KCNN2: variants seen among roughly 807,000 people sequenced by gnomAD.
The protein encoded by KCNN2 is potassium calcium-activated channel subfamily N member 2.
Under a neutral mutation model 55.5 loss-of-function variants are expected in KCNN2, and 24 were observed. The observed-to-expected ratio is 0.43, with a 90% CI of 0.31 to 0.61. The LOEUF (loss-of-function observed/expected upper bound fraction) is 0.61, where lower values mean the gene tolerates loss of function less well. KCNN2 is among the 20% of genes least tolerant of loss of function. The pLI is 0.08. For synonymous variants in KCNN2, 431 were observed against 336.1 expected, an observed-to-expected ratio of 1.28 and a Z score of -3.09; for missense variants, 754 against 853.6, an observed-to-expected ratio of 0.88 and a Z score of 1.45.
At position 114,404,550 on chromosome 5, in the gene KCNN2, ATT is replaced by A; in HGVS notation, c.1332_1333del (p.Asn444LysfsTer21). 6.2e-7 allele frequency: 1 copy of A among 1,613,802 alleles called. No individual in the cohort carries two copies. Among genetic ancestry groups the A allele is most frequent in the Non-Finnish European group, 8.5e-7 (1 of 1,179,972 alleles). On this transcript the variant is annotated frameshift_variant, in exon 3 of 8. Coordinates refer to ENST00000673685, the MANE Select transcript of KCNN2 (RefSeq NM_021614.4). LOFTEE classifies it high-confidence loss of function. ...TGTGCTATTCATCCCATACCTGGGAATTATACATTCACATGGACGGCCCGGCT... is the reference window on the plus strand; with the variant it reads ...TGTGCTATTCATCCCATACCTGGGAAATACATTCACATGGACGGCCCGGCT...
chr5:114,125,120 A>T (rs558140045), intron 1 of KCNN2, among the ~76,000 whole-genome samples: 1 of 152,316 alleles, frequency 6.6e-6, no homozygotes, highest in Non-Finnish European at 1.5e-5. Context: ...TAATTTGTAT[A>T]TATTGGAGAA....
At chr5:114,176,321 TAA>T (rs2112548265) in intron 1 of KCNN2, among the ~76,000 whole-genome samples, 1 of 152,316 alleles carries the variant, frequency 6.6e-6, no homozygotes, top group South Asian at 2.1e-4. Context: ...CTTATAATCA[TAA>T]GTTTTTTTTT....
intron 1 of KCNN2, among the ~76,000 whole-genome samples, chr5:114,152,595 G>C (rs1752550176): frequency 6.6e-6 from 1 of 152,082 alleles, no homozygotes; most frequent in South Asian, 2.1e-4. Context: ...TTCTATAACA[G>C]GCATTGTTTT....
chr5:114,091,924 G>A (rs1402287401), intron 1 of KCNN2, among the ~76,000 whole-genome samples: 2 of 152,186 alleles, frequency 1.3e-5, no homozygotes, highest in Non-Finnish European at 2.9e-5. Context: ...ATGAGATTTA[G>A]GTGGGGACAC....
intron 1 of KCNN2, among the ~76,000 whole-genome samples, chr5:114,141,618 A>G (rs1752282697): frequency 6.6e-6 from 1 of 152,200 alleles, no homozygotes; most frequent in African/African-American, 2.4e-5. Flanking sequence ...TTATAGCAGC[A>G]TGATTTATAA....
intron 1 of KCNN2, among the ~76,000 whole-genome samples, chr5:114,125,569 G>T (rs866679254): frequency 3.3e-5 from 5 of 152,252 alleles, no homozygotes; most frequent in Middle Eastern, 3.4e-3. Context: ...CTAGAGGCTG[G>T]AAGTCCAAGA....
chr5:114,163,641 G>C (rs10045174), intron 1 of KCNN2, among the ~76,000 whole-genome samples: 152,281 of 152,282 alleles, frequency 1, 76,140 homozygotes, highest in Non-Finnish European at 1. Context: ...GCCCCTTTAT[G>C]CAGGGCATTA....
At chr5:114,385,519 G>GCGCACACACACA (rs1458678711) in intron 2 of KCNN2, among the ~76,000 whole-genome samples, 72 of 143,448 alleles carry the variant, frequency 5.0e-4, no homozygotes, top group Middle Eastern at 7.0e-3. Context: ...ACACATGCGC[G>GCGCACACACACA]CACACACACA....
intron 3 of KCNN2, among the ~76,000 whole-genome samples, chr5:114,446,073 A>G (rs1306628101): frequency 2.0e-5 from 3 of 152,202 alleles, no homozygotes; most frequent in Admixed American, 6.5e-5. Flanking sequence ...TGGCCCCAGT[A>G]CTTGGTACAG....
chr5:114,148,628 C>T (rs939981017), intron 1 of KCNN2, among the ~76,000 whole-genome samples: 2 of 151,798 alleles, frequency 1.3e-5, no homozygotes, highest in East Asian at 1.9e-4. Context: ...GGGGAGAGTT[C>T]TAAAAGGATG....
intron 3 of KCNN2, among the ~76,000 whole-genome samples, chr5:114,459,760 T>C (rs1345570908): frequency 6.6e-6 from 1 of 152,180 alleles, no homozygotes; most frequent in Non-Finnish European, 1.5e-5. Flanking sequence ...AGCCCTAAAA[T>C]GCCAACTCCT....
chr5:114,238,519 G>A (rs1176840974), intron 2 of KCNN2, among the ~76,000 whole-genome samples: 2 of 151,794 alleles, frequency 1.3e-5, no homozygotes, highest in African/African-American at 2.4e-5. Context: ...CCAGCTACTC[G>A]GGGGACTGAG....
intron 1 of KCNN2, among the ~76,000 whole-genome samples, chr5:114,083,462 A>G (rs1750867565): frequency 6.6e-6 from 1 of 152,098 alleles, no homozygotes. Flanking sequence ...TTTTCATATA[A>G]TTCAGAATAT....
intron 1 of KCNN2, among the ~76,000 whole-genome samples, chr5:114,079,815 T>A (rs1256619257): frequency 6.7e-6 from 1 of 148,400 alleles, no homozygotes; most frequent in African/African-American, 2.6e-5. Context: ...AAACAGTAGA[T>A]ACTTAATATG....
rs144919215 is a variant in KCNN2, at chr5:114,371,733, G to C, written c.1218+7732G>C. Among the ~76,000 whole-genome samples, 5 of 152,212 alleles carry C rather than the reference G, an allele frequency of 3.3e-5. No individual in the cohort carries two copies. The East Asian group carries it at 9.7e-4, about 29-fold the overall frequency. ...CCTAGTTAAATAGTCCAATTTCTTT[G>C]AATATTCCTTCTCAGACATTGAATG... On this transcript the variant is annotated intron_variant, in intron 2 of 7. Transcript: ENST00000673685.
At chr5:114,292,160 C>T (rs1170311457) in intron 2 of KCNN2, among the ~76,000 whole-genome samples, 7 of 152,180 alleles carry the variant, frequency 4.6e-5, no homozygotes, top group South Asian at 2.1e-4. Context: ...ACTCTGATGG[C>T]AGTTTCTTTT....
At chr5:114,137,487 C>T (rs1005671203) in intron 1 of KCNN2, among the ~76,000 whole-genome samples, 12 of 152,090 alleles carry the variant, frequency 7.9e-5, no homozygotes, top group Admixed American at 2.0e-4. Flanking sequence ...GAAATAATCA[C>T]ACAAACACTA....
At chr5:114,398,039 C>T (rs556622847) in intron 2 of KCNN2, among the ~76,000 whole-genome samples, 61 of 152,190 alleles carry the variant, frequency 4.0e-4, no homozygotes, top group South Asian at 1.2e-3. Flanking sequence ...TTAATTAGGT[C>T]CCATTTGTCA....
At chr5:114,172,594 TTA>T (rs70976318) in intron 1 of KCNN2, among the ~76,000 whole-genome samples, 6 of 147,438 alleles carry the variant, frequency 4.1e-5, no homozygotes, top group South Asian at 2.1e-4. Flanking sequence ...ACATATTTAG[TTA>T]TATATATATT....
Sources: allele counts gnomAD v4.1 joint callset (sites outside exome capture counted in the v4.1 genomes callset), GRCh38; gene constraint gnomAD v4.1.1; transcripts MANE v1.5; gene names NCBI Gene and HGNC (gene_info 2026-07-23, HGNC 2026-07-21).